The following USP54 variants were observed in gnomAD, a reference collection of about 807,000 sequenced individuals.
The protein encoded by USP54 is ubiquitin carboxyl-terminal hydrolase 54.
In USP54, 87 loss-of-function variants were observed where a neutral mutation model predicts 170.5. The ratio of observed to expected loss-of-function variants is 0.51; its 90% CI spans 0.43 to 0.61. The LOEUF (loss-of-function observed/expected upper bound fraction) is 0.61, where lower values mean the gene tolerates loss of function less well. USP54 is among the 20% of genes least tolerant of loss of function. The pLI is 0.00. For missense variants in USP54, 1,786 were observed against 2,047.8 expected (o/e 0.87, Z 2.47); for synonymous variants, 655 against 742.8 (o/e 0.88, Z 1.92).
chr10:73,570,857 G>C (rs1055370803), intron 4 of USP54, among the ~76,000 whole-genome samples: 4 of 152,130 alleles, frequency 2.6e-5, no homozygotes, highest in Admixed American at 2.6e-4. Flanking sequence ...GTAGAAGCAG[G>C]CTGGGCACAA....
chr10:73,543,172 A>C, intron 5 of USP54, 41 bp from the exon 6 acceptor site: 1 of 1,350,480 alleles, frequency 7.4e-7, no homozygotes, highest in Non-Finnish European at 1.1e-6. Flanking sequence ...AACAATATTT[A>C]ATAGACAAAT....
intron 20 of USP54, among the ~76,000 whole-genome samples, chr10:73,513,046 T>C (rs1450577175): frequency 6.6e-6 from 1 of 152,140 alleles, no homozygotes; most frequent in Non-Finnish European, 1.5e-5. Flanking sequence ...AAAAAAAGTT[T>C]ATAACATTCA....
chr10:73,607,258 T>C (rs1021609239), intron 1 of USP54, among the ~76,000 whole-genome samples: 1 of 149,764 alleles, frequency 6.7e-6, no homozygotes, highest in Non-Finnish European at 1.5e-5. Flanking sequence ...AATCCTGCCA[T>C]TGCACTCCAT....
intron 1 of USP54, among the ~76,000 whole-genome samples, chr10:73,599,748 G>C (rs1262545047): frequency 6.6e-6 from 1 of 151,914 alleles, no homozygotes; most frequent in Non-Finnish European, 1.5e-5. Flanking sequence ...TTTATTTTTT[G>C]TAAGAGTTTT....
At chr10:73,586,328 A>G (rs2077478771) in intron 1 of USP54, among the ~76,000 whole-genome samples, 1 of 152,174 alleles carries the variant, frequency 6.6e-6, no homozygotes, top group Admixed American at 6.5e-5. Context: ...TACAAGGAAA[A>G]GCCTTCCCAG....
intron 1 of USP54, among the ~76,000 whole-genome samples, chr10:73,598,431 G>A (rs2078902178): frequency 1.3e-5 from 2 of 152,128 alleles, no homozygotes; most frequent in South Asian, 2.1e-4. Flanking sequence ...GTTAGGCAAA[G>A]ACACCACACA....
intron 11 of USP54, 65 bp downstream of exon 11, chr10:73,536,204 T>G: frequency 1.3e-6 from 2 of 1,578,120 alleles, no homozygotes; most frequent in Non-Finnish European, 1.7e-6. Flanking sequence ...TAATTAACTA[T>G]GAGTCCCAAC....
At chr10:73,545,470 G>T (rs2067585334) in intron 5 of USP54, 68 bp downstream of exon 5, 1 of 1,577,650 alleles carries the variant, frequency 6.3e-7, no homozygotes, top group Non-Finnish European at 8.6e-7. Flanking sequence ...CCATAAAGTA[G>T]CCAGTCCCTG....
At chr10:73,580,500 G>A (rs1316676528) in intron 1 of USP54, among the ~76,000 whole-genome samples, 1 of 151,912 alleles carries the variant, frequency 6.6e-6, no homozygotes, top group Non-Finnish European at 1.5e-5. Context: ...TATTTTTACT[G>A]TAACTTTTCT....
At chr10:73,527,498 CAAAA>C (rs931778033) in intron 15 of USP54, among the ~76,000 whole-genome samples, 2 of 52,142 alleles carry the variant, frequency 3.8e-5, no homozygotes, top group African/African-American at 1.5e-4. Context: ...CACTCCATCT[CAAAA>C]AAAAAAAAAA....
intron 4 of USP54, among the ~76,000 whole-genome samples, chr10:73,560,380 C>T: frequency 6.6e-6 from 1 of 151,978 alleles, no homozygotes; most frequent in East Asian, 1.9e-4. Context: ...CCAGGCCGGG[C>T]ATGGTGGCTC....
chr10:73,529,759 C>T lies in USP54; in HGVS notation c.1981G>A (p.Gly661Ser). 1 of 1,614,044 alleles carries T rather than the reference C, an allele frequency of 6.2e-7. No individual in the cohort carries two copies. The highest frequency in any genetic ancestry group is 8.5e-7 in the Non-Finnish European group (1 of 1,179,906). Residue 661 changes from glycine to serine, a missense_variant, in exon 15 of 24, where the codon GGC (glycine) becomes AGC (serine). Coordinates refer to ENST00000687698, the MANE Select transcript of USP54 (RefSeq NM_001391956.1). The stretch of plus-strand genomic sequence containing the variant: ...CTGTTCCTCTCACTGCTTTCATAGC[C>T]AGATTCCATTCGCTGGATTAGTCGG... ...HPRLIQRMES[G>S]YESSERNSSS...
chr10:73,546,747 G>A (rs1314136164), intron 4 of USP54: 2 of 151,968 alleles, frequency 1.3e-5, no homozygotes, highest in South Asian at 2.1e-4. Flanking sequence ...TATAGACCTG[G>A]TACACCTTTT....
At position 73,541,617 on chromosome 10, in the gene USP54, C is replaced by T. The variant is rs754168354; in HGVS notation, c.678+16G>A. 52 of 1,613,854 alleles carry T rather than the reference C, an allele frequency of 3.2e-5. No individual in the cohort carries two copies. In the South Asian group the frequency reaches 5.4e-4, roughly 17 times the overall value. On this transcript the variant is annotated intron_variant, in intron 8 of 23. Transcript: ENST00000687698. ...TTCCCTTTCCCACTCCAAACCCCAC[C>T]CCTGATTTAACTCACTGGACAGTTC...
At chr10:73,586,957 A>G (rs1564926428) in intron 1 of USP54, among the ~76,000 whole-genome samples, 1 of 152,248 alleles carries the variant, frequency 6.6e-6, no homozygotes, top group Admixed American at 6.5e-5. Context: ...ACAAGAACTT[A>G]GATAACTGTC....
intron 1 of USP54, among the ~76,000 whole-genome samples, chr10:73,620,840 G>A (rs2081034073): frequency 6.7e-6 from 1 of 149,980 alleles, no homozygotes; most frequent in South Asian, 2.1e-4. Context: ...TCCGGAGGCT[G>A]AGGCCAAGAG....
rs573510622 is a variant in USP54 at position 73,570,860 on chromosome 10, G to T, written c.240+561C>A. Among the ~76,000 whole-genome samples the T allele has an allele frequency of 2.6e-5, 4 of 152,258 alleles. No individual in the cohort carries two copies. In the South Asian group the frequency reaches 8.3e-4, roughly 32 times the overall value. ...TAAACACTCAAAGTAGAAGCAGGCT[G>T]GGCACAATGGCTCACGCCTGTAATC... On this transcript the variant is annotated intron_variant, in intron 4 of 23. Coordinates refer to ENST00000687698, the MANE Select transcript of USP54 (RefSeq NM_001391956.1).
intron 1 of USP54, among the ~76,000 whole-genome samples, chr10:73,598,376 A>G (rs1351978639): frequency 6.6e-6 from 1 of 152,232 alleles, no homozygotes; most frequent in Non-Finnish European, 1.5e-5. Context: ...CTCAAACTAT[A>G]AAACTTTTAG....
intron 19 of USP54, chr10:73,518,255 T>G (rs1410472318): frequency 1.0e-6 from 1 of 985,210 alleles, no homozygotes; most frequent in Non-Finnish European, 1.2e-6. Flanking sequence ...ACAGGGTGAT[T>G]TGGGCTCATG....
Sources: allele counts gnomAD v4.1 joint callset (sites outside exome capture counted in the v4.1 genomes callset), GRCh38; gene constraint gnomAD v4.1.1; transcripts MANE v1.5; gene names NCBI Gene and HGNC (gene_info 2026-07-23, HGNC 2026-07-21).